SORBS2: variants seen among roughly 807,000 people sequenced by gnomAD.
The protein encoded by SORBS2 is sorbin and SH3 domain containing 2, also known as sorbin and SH3 domain-containing protein 2.
Under a neutral mutation model 97.7 loss-of-function variants are expected in SORBS2, and 46 were observed. The ratio of observed to expected loss-of-function variants is 0.47; its 90% CI spans 0.37 to 0.60. The LOEUF (loss-of-function observed/expected upper bound fraction) is 0.60, where lower values mean the gene tolerates loss of function less well. SORBS2 is among the 20% of genes least tolerant of loss of function. The pLI, the probability that SORBS2 is intolerant of heterozygous loss-of-function variation, is 0.00. For synonymous variants in SORBS2, 476 were observed against 473.4 expected, an observed-to-expected ratio of 1.01 and a Z score of -0.07; for missense variants, 1,316 against 1,282.3, an observed-to-expected ratio of 1.03 and a Z score of -0.40.
chr4:185,903,761 A>G (rs1478140655), intron 1 of SORBS2, among the ~76,000 whole-genome samples: 1 of 152,206 alleles, frequency 6.6e-6, no homozygotes, highest in African/African-American at 2.4e-5. Flanking sequence ...CGAGTTTCAG[A>G]TTGCACGATA....
chr4:185,588,103 A>G, intron 14 of SORBS2: 1 of 179,300 alleles, frequency 5.6e-6, no homozygotes. Context: ...GGGACCAGCA[A>G]CCCGCGCAAC....
Position 185,939,084 on chromosome 4 carries a change from C to T in SORBS2, c.-338+17112G>A, listed in dbSNP as rs80136283. Among the ~76,000 whole-genome samples the T allele has an allele frequency of 1.9e-3, 288 of 152,296 alleles. 6 individuals are homozygous for T. In the East Asian group the frequency reaches 0.034, roughly 18 times the overall value. On this transcript the variant is annotated intron_variant, in intron 1 of 20. Transcript: ENST00000284776. ...TTTATCTTTTGTTCAGCCCTTTAAC[C>T]TCTGCGCCCTGGCCATATGTTGATG...
intron 1 of SORBS2, among the ~76,000 whole-genome samples, chr4:185,950,362 C>T (rs542036043): frequency 8.5e-4 from 130 of 152,102 alleles, no homozygotes; most frequent in African/African-American, 3.1e-3. Context: ...ACCTGAAGAA[C>T]ATAATGGAAT....
At chr4:185,677,169 G>A in intron 4 of SORBS2, 1 of 1,551,708 alleles carries the variant, frequency 6.4e-7, no homozygotes, top group Non-Finnish European at 8.7e-7. Flanking sequence ...GTGTGTCTCA[G>A]GCACTGGATT....
At chr4:185,759,165 T>A (rs534271366) in intron 2 of SORBS2, among the ~76,000 whole-genome samples, 2 of 152,296 alleles carry the variant, frequency 1.3e-5, no homozygotes, top group Non-Finnish European at 2.9e-5. Flanking sequence ...GATTGCTAGG[T>A]TTAGAAATGA....
chr4:185,693,816 A>T (rs1230904129), intron 2 of SORBS2, among the ~76,000 whole-genome samples: 1 of 152,240 alleles, frequency 6.6e-6, no homozygotes, highest in African/African-American at 2.4e-5. Context: ...TTTGAATTCA[A>T]ATGCCGATAT....
chr4:185,800,495 T>A (rs577276746), intron 1 of SORBS2, among the ~76,000 whole-genome samples: 44 of 152,180 alleles, frequency 2.9e-4, no homozygotes, highest in Non-Finnish European at 5.1e-4. Flanking sequence ...GAGGTCACAG[T>A]CTCCCCTCTG....
chr4:185,806,436 A>ATTT (rs35448726), intron 1 of SORBS2, among the ~76,000 whole-genome samples: 2 of 22,724 alleles, frequency 8.8e-5, no homozygotes, highest in African/African-American at 2.9e-4. Context: ...CTAGAATCCT[A>ATTT]TTTTTTTTTT....
intron 6 of SORBS2, among the ~76,000 whole-genome samples, chr4:185,625,035 T>C (rs990849437): frequency 6.6e-6 from 1 of 152,210 alleles, no homozygotes; most frequent in South Asian, 2.1e-4. Flanking sequence ...TTTTAGATTT[T>C]AAAAGCTATA....
chr4:185,773,054 G>GAA (rs60070488), intron 2 of SORBS2: 30,844 of 148,968 alleles, frequency 0.21, 3,487 homozygotes, highest in Middle Eastern at 0.27. Context: ...GAAACAGAAA[G>GAA]AAAAAAAAAA....
chr4:185,699,210 G>T (rs1215420425), intron 2 of SORBS2, among the ~76,000 whole-genome samples: 3 of 150,562 alleles, frequency 2.0e-5, no homozygotes, highest in African/African-American at 7.3e-5. Context: ...GGGAAAATTT[G>T]CTCTAATTTG....
intron 1 of SORBS2, among the ~76,000 whole-genome samples, chr4:185,800,958 T>G (rs896876481): frequency 1.3e-5 from 2 of 152,206 alleles, no homozygotes; most frequent in African/African-American, 4.8e-5. Flanking sequence ...AATGTGGTTT[T>G]ATTCACTACA....
At chr4:185,656,817 A>G (rs2097414121) in exon 1 of SORBS2, 1 of 1,393,776 alleles carries the variant, frequency 7.2e-7, no homozygotes, top group Non-Finnish European at 9.3e-7. Context: ...CTTAAAAAAA[A>G]ATCCAAACAC....
chr4:185,815,569 T>C (rs935284891), intron 1 of SORBS2, among the ~76,000 whole-genome samples: 15 of 152,190 alleles, frequency 9.9e-5, no homozygotes, highest in African/African-American at 3.4e-4. Context: ...CAAATATTTG[T>C]TTAGAAGGAT....
chr4:185,789,569 C>T (rs2099071326), intron 1 of SORBS2, among the ~76,000 whole-genome samples: 2 of 150,232 alleles, frequency 1.3e-5, no homozygotes, highest in African/African-American at 2.4e-5. Context: ...AATATAATTT[C>T]TTATAATGTT....
At chr4:185,589,273 C>T (rs556017389) in intron 14 of SORBS2, 59 of 163,134 alleles carry the variant, frequency 3.6e-4, no homozygotes, top group Admixed American at 1.9e-4. Context: ...ACCTAGGAAA[C>T]GGGAGAGCTG....
At chr4:185,799,177 G>C (rs1341913869) in intron 1 of SORBS2, among the ~76,000 whole-genome samples, 7 of 152,132 alleles carry the variant, frequency 4.6e-5, no homozygotes, top group Admixed American at 2.6e-4. Flanking sequence ...TCTGGAATTG[G>C]TAAGCAGAAG....
intron 1 of SORBS2, among the ~76,000 whole-genome samples, chr4:185,849,295 C>G (rs1170539174): frequency 6.6e-6 from 1 of 152,138 alleles, no homozygotes; most frequent in Non-Finnish European, 1.5e-5. Context: ...TTCCCCAAAC[C>G]CACTGCGAAT....
chr4:185,750,063 T>A (rs925850732), intron 2 of SORBS2, among the ~76,000 whole-genome samples: 1 of 152,250 alleles, frequency 6.6e-6, no homozygotes, highest in African/African-American at 2.4e-5. Flanking sequence ...CAGATCTGCA[T>A]GTTGCAGAAA....
Sources: gnomAD v4.1 joint callset for allele counts (sites outside exome capture counted in the v4.1 genomes callset) on GRCh38, gnomAD v4.1.1 for gene constraint, MANE v1.5 for transcripts, NCBI Gene and HGNC (gene_info 2026-07-23, HGNC 2026-07-21) for gene names.